Variants in SCAP observed in about 807,000 individuals in gnomAD.
The protein encoded by SCAP is SREBF chaperone, also known as sterol regulatory element-binding protein cleavage-activating protein.
A neutral mutation model predicts 123.6 loss-of-function variants in SCAP; 65 were observed. The observed-to-expected ratio is 0.53, with a 90% CI of 0.43 to 0.65. The LOEUF (loss-of-function observed/expected upper bound fraction) is 0.65, where lower values mean the gene tolerates loss of function less well. Among genes scored for constraint, SCAP ranks in the 30% least tolerant of loss-of-function variants. The pLI is 0.00. For synonymous variants in SCAP, 740 were observed against 726.3 expected (o/e 1.02, Z -0.30); for missense variants, 1,398 against 1,712.5 (o/e 0.82, Z 3.24).
rs368667083 is a variant in SCAP, at chr3:47,417,407, C to A, written c.2867G>T (p.Gly956Val). The A allele has an allele frequency of 5.1e-4, 807 of 1,579,238 alleles. 3 individuals carry two copies. The highest frequency in any genetic ancestry group is 2.8e-3 in the Middle Eastern group (17 of 6,018). Reference sequence around the variant, plus strand: ...GGGGGCCCAGGCGAGGGAAGGGGAGCCTTTCTCGGGGGAGCCACCCTCGTC... The same window carrying A: ...GGGGGCCCAGGCGAGGGAAGGGGAGACTTTCTCGGGGGAGCCACCCTCGTC... ...PEDEGGSPEK[G>V]SPSLAWAPSA... Residue 956 changes from glycine (G) to valine (V), a missense_variant, in exon 17 of 23, where the codon GGC becomes GTC. Physicochemically the swap from Gly to Val is moderately radical, Grantham distance 109. This residue lies in a region of SCAP where 828 missense variants were observed against 882.5 expected (regional missense o/e 0.94). Coordinates refer to ENST00000265565, the MANE Select transcript of SCAP (RefSeq NM_012235.4).
chr3:47,450,514 T>G (rs1297769214), intron 1 of SCAP, among the ~76,000 whole-genome samples: 3 of 119,694 alleles, frequency 2.5e-5, no homozygotes, highest in African/African-American at 8.6e-5. Context: ...ATGCAGGGTT[T>G]TTTTTTTTTT....
intron 1 of SCAP, among the ~76,000 whole-genome samples, chr3:47,473,923 C>T (rs1310832686): frequency 6.6e-6 from 1 of 152,148 alleles, no homozygotes; most frequent in Non-Finnish European, 1.5e-5. Context: ...ATAAAGTCCA[C>T]GGAGATCTCT....
intron 3 of SCAP, among the ~76,000 whole-genome samples, chr3:47,431,765 T>C (rs578107362): frequency 1.3e-5 from 2 of 152,314 alleles, no homozygotes; most frequent in South Asian, 4.1e-4. Flanking sequence ...AATCACTTAC[T>C]GTAGGAGGTG....
intron 1 of SCAP, among the ~76,000 whole-genome samples, chr3:47,459,717 C>T (rs1707556873): frequency 6.6e-6 from 1 of 152,178 alleles, no homozygotes; most frequent in Admixed American, 6.6e-5. Context: ...AGGACAAAGG[C>T]AAATTCAGAA....
rs1457055328 is a variant in SCAP, at chr3:47,439,850, T to G, written c.122+3022A>C. On this transcript the variant is annotated intron_variant, in intron 2 of 22. Coordinates refer to ENST00000265565, the MANE Select transcript of SCAP (RefSeq NM_012235.4). This position sits in a 1 kb window ranked among gnomAD's most constrained non-coding sequence, Gnocchi z 4.0. ...GTTCATTTGAAGTAGTGTCCTTGGC[T>G]CTCAGTCACTGAAACCTGCAGCCTC... 6.6e-6 allele frequency among the ~76,000 whole-genome samples: 1 copy of G among 152,212 alleles called. No individual in the cohort carries two copies. Among genetic ancestry groups the G allele is most frequent in the Non-Finnish European group, 1.5e-5 (1 of 68,038 alleles).
intron 1 of SCAP, among the ~76,000 whole-genome samples, chr3:47,474,413 TAG>T (rs1708188931): frequency 6.6e-6 from 1 of 152,250 alleles, no homozygotes; most frequent in Admixed American, 6.5e-5. Flanking sequence ...TATATTTATA[TAG>T]TGTTTTTTAC....
At chr3:47,470,088 G>A (rs1707975199) in intron 1 of SCAP, 1 of 174,144 alleles carries the variant, frequency 5.7e-6, no homozygotes, top group African/African-American at 2.4e-5. Context: ...TATACAGATG[G>A]CTCTAATCCT....
Position 47,414,980 on chromosome 3 carries a change from C to G in SCAP, c.3153G>C (p.Arg1051=). The change falls in exon 20 of 23, where the codon CGG becomes CGC. Residue 1051 remains arginine, a synonymous_variant. Coordinates refer to ENST00000265565, the MANE Select transcript of SCAP (RefSeq NM_012235.4). The part of the protein sequence containing the change: ...SPLQFRGTPG[R]GSSPASPVYS... ...ACACTGGAGAGGCAGGGGAACTGCC[C>G]CGCCCTGGGGTCCCTGAGGACAAAA... 6.3e-7 allele frequency: 1 copy of G among 1,596,420 alleles called. No homozygotes were observed. Among genetic ancestry groups the G allele is most frequent in the Non-Finnish European group, 8.5e-7 (1 of 1,172,278 alleles).
At chr3:47,472,165 G>A (rs1235416372) in intron 1 of SCAP, among the ~76,000 whole-genome samples, 1 of 152,030 alleles carries the variant, frequency 6.6e-6, no homozygotes, top group Non-Finnish European at 1.5e-5. Context: ...CGGGCGCGGT[G>A]GCTCACGCCT....
chr3:47,465,225 C>T (rs759708115), intron 1 of SCAP, among the ~76,000 whole-genome samples: 3 of 150,834 alleles, frequency 2.0e-5, no homozygotes, highest in Non-Finnish European at 4.4e-5. Context: ...GGCTGGAGTG[C>T]AGTGGCACAA....
intron 1 of SCAP, among the ~76,000 whole-genome samples, chr3:47,454,507 G>A (rs1472374074): frequency 2.0e-5 from 3 of 151,888 alleles, no homozygotes; most frequent in Non-Finnish European, 4.4e-5. Flanking sequence ...CTGGTGGATC[G>A]TTTGAGGTCA....
At chr3:47,472,972 C>G (rs1559576057) in intron 1 of SCAP, among the ~76,000 whole-genome samples, 2 of 150,150 alleles carry the variant, frequency 1.3e-5, no homozygotes, top group Admixed American at 6.7e-5. Flanking sequence ...CCCAGCTACT[C>G]AGGAGGCTGA....
At chr3:47,452,270 T>C (rs1707254547) in intron 1 of SCAP, among the ~76,000 whole-genome samples, 1 of 152,190 alleles carries the variant, frequency 6.6e-6, no homozygotes, top group South Asian at 2.1e-4. Context: ...GCACCTATAA[T>C]CCCGGCTACT....
At chr3:47,423,824 A>AAGGGAC in intron 9 of SCAP, 109 bp downstream of exon 9, 1 of 789,678 alleles carries the variant, frequency 1.3e-6, no homozygotes. Context: ...AGGCAAGAGC[A>AAGGGAC]AGGGACATTT....
chr3:47,414,696 C>G (rs766167044), intron 20 of SCAP, 44 bp from the exon 21 acceptor site: 2 of 1,612,320 alleles, frequency 1.2e-6, no homozygotes, highest in Non-Finnish European at 1.7e-6. Flanking sequence ...TGGGATTTTC[C>G]AAGTTATACT....
At chr3:47,416,700 C>T (rs935015833) in intron 18 of SCAP, among the ~76,000 whole-genome samples, 7 of 146,296 alleles carry the variant, frequency 4.8e-5, no homozygotes, top group Non-Finnish European at 1.0e-4. Flanking sequence ...GATCTCGGCT[C>T]ACTGCAAGCT....
At position 47,417,591 on chromosome 3, in the gene SCAP, G is replaced by C; in HGVS notation, c.2683C>G (p.Pro895Ala). The C allele has an allele frequency of 1.3e-6, 2 of 1,597,670 alleles. No homozygotes were observed. Among genetic ancestry groups the C allele is most frequent in the Non-Finnish European group, 1.7e-6 (2 of 1,173,622 alleles). ...CGGCCACAGACCGCCCGGTGCCGGG[G>C]CTCGGGCTGAGTGGGCTGTGAGGAC... Reference protein sequence around the residue: ...PRSSQPTQPEPRHRAVCGRSR... With the variant: ...PRSSQPTQPEARHRAVCGRSR... Residue 895 changes from proline (P) to alanine (A), a missense_variant, in exon 17 of 23, where the codon CCC becomes GCC. Around this residue, in one of 7 missense-constraint regions of SCAP, gnomAD observed 828 missense variants for 882.5 expected, o/e 0.94. Coordinates refer to ENST00000265565, the MANE Select transcript of SCAP (RefSeq NM_012235.4).
chr3:47,414,151 A>C, intron 22 of SCAP, 29 bp downstream of exon 22: 1 of 1,613,552 alleles, frequency 6.2e-7, no homozygotes, highest in Non-Finnish European at 8.5e-7. Context: ...CTAAAATCCC[A>C]AGAATCCTAT....
intron 9 of SCAP, 102 bp from the exon 10 acceptor site, chr3:47,422,638 C>T: frequency 2.2e-6 from 2 of 925,024 alleles, no homozygotes; most frequent in East Asian, 2.6e-5. Flanking sequence ...TGGCAAGGCC[C>T]CCCAGCCCTT....
Sources: gnomAD v4.1 joint callset for allele counts (sites outside exome capture counted in the v4.1 genomes callset) on GRCh38, gnomAD v4.1.1 for gene constraint, gnomAD v4.1.1 regional missense constraint, Gnocchi (gnomAD v3.1) non-coding constraint, MANE v1.5 for transcripts, NCBI Gene and HGNC (gene_info 2026-07-23, HGNC 2026-07-21) for gene names.